Variants in CTNNA3 observed in about 807,000 individuals in gnomAD.
CTNNA3 encodes the protein catenin alpha-3.
Under a neutral mutation model 95.7 loss-of-function variants are expected in CTNNA3, and 76 were observed. That is an observed-to-expected ratio of 0.79 (90% CI 0.66 to 0.96). The LOEUF (loss-of-function observed/expected upper bound fraction) is 0.96, where lower values mean the gene tolerates loss of function less well. Ranked by LOEUF, CTNNA3 falls within the 40% of genes least tolerant of loss-of-function variation. CTNNA3 has a pLI of 0.00. For synonymous variants in CTNNA3, 431 were observed against 374.4 expected (o/e 1.15, Z -1.74); for missense variants, 1,191 against 1,089.8 (o/e 1.09, Z -1.31).
intron 5 of CTNNA3, among the ~76,000 whole-genome samples, chr10:67,443,257 C>T (rs573152479): frequency 7.3e-5 from 11 of 150,784 alleles, no homozygotes; most frequent in Non-Finnish European, 7.4e-5. Context: ...AATAAACATA[C>T]GTGTGCATGT....
At chr10:65,940,381 T>C (rs1182717222) in intron 17 of CTNNA3, among the ~76,000 whole-genome samples, 1 of 152,210 alleles carries the variant, frequency 6.6e-6, no homozygotes, top group Non-Finnish European at 1.5e-5. Context: ...TGTTCTGCTC[T>C]CACACTTACT....
chr10:66,189,619 C>CATATATATAT (rs1258504289), intron 13 of CTNNA3, among the ~76,000 whole-genome samples: 2 of 96,642 alleles, frequency 2.1e-5, no homozygotes, highest in African/African-American at 7.8e-5. Context: ...TATATATATA[C>CATATATATAT]ACACATACAC....
chr10:66,508,309 C>T (rs1840537047), intron 11 of CTNNA3, among the ~76,000 whole-genome samples: 1 of 151,294 alleles, frequency 6.6e-6, no homozygotes, highest in Admixed American at 6.6e-5. Flanking sequence ...CTGCCTCTCC[C>T]ACCAGGCATT....
chr10:67,750,294 T>C, intron 1 of CTNNA3: 7 of 1,520,342 alleles, frequency 4.6e-6, no homozygotes, highest in African/African-American at 1.4e-5. Flanking sequence ...ATGGCCATCT[T>C]TGTGGAGCTC....
At chr10:66,573,705 C>T (rs1298243273) in intron 10 of CTNNA3, among the ~76,000 whole-genome samples, 1 of 152,066 alleles carries the variant, frequency 6.6e-6, no homozygotes, top group Non-Finnish European at 1.5e-5. Flanking sequence ...TAAAAGAAAA[C>T]TGGTTAGTCA....
chr10:66,695,046 A>G (rs1847705500), intron 9 of CTNNA3, among the ~76,000 whole-genome samples: 1 of 152,218 alleles, frequency 6.6e-6, no homozygotes, highest in Non-Finnish European at 1.5e-5. Context: ...ACAACTGCTG[A>G]AAGCTCGATG....
chr10:66,080,594 T>C (rs915543584), intron 14 of CTNNA3, among the ~76,000 whole-genome samples: 2 of 152,186 alleles, frequency 1.3e-5, no homozygotes, highest in Non-Finnish European at 2.9e-5. Context: ...TGCAAGTCCA[T>C]GACTTTTCCT....
At chr10:67,689,110 T>C (rs1589567562) in intron 1 of CTNNA3, among the ~76,000 whole-genome samples, 1 of 152,178 alleles carries the variant, frequency 6.6e-6, no homozygotes, top group Non-Finnish European at 1.5e-5. Flanking sequence ...CTGTTAGTAT[T>C]GGGACCTTAC....
At chr10:66,957,417 T>TATATATATATATGC (rs1564793956) in intron 7 of CTNNA3, among the ~76,000 whole-genome samples, 1 of 31,888 alleles carries the variant, frequency 3.1e-5, no homozygotes, top group African/African-American at 3.0e-4. Flanking sequence ...TATATATGCA[T>TATATATATATATGC]ATATATATAT....
intron 3 of CTNNA3, among the ~76,000 whole-genome samples, chr10:67,570,487 G>A (rs1222860782): frequency 6.6e-6 from 1 of 151,986 alleles, no homozygotes; most frequent in Admixed American, 6.6e-5. Context: ...CACAAATAAT[G>A]GCCACTCTTG....
chr10:66,262,528 T>G (rs1248293206), intron 13 of CTNNA3, among the ~76,000 whole-genome samples: 2 of 152,002 alleles, frequency 1.3e-5, no homozygotes, highest in East Asian at 1.9e-4. Flanking sequence ...ATGTATGACT[T>G]ATTGTAAAAT....
chr10:67,642,931 G>A (rs151301002), intron 2 of CTNNA3, among the ~76,000 whole-genome samples: 17,653 of 148,124 alleles, frequency 0.12, 1,967 homozygotes, highest in African/African-American at 0.29. Flanking sequence ...CAAAGACCTA[G>A]ATGCAGAAAT....
chr10:67,604,878 G>T (rs1276401905), intron 3 of CTNNA3, among the ~76,000 whole-genome samples: 1 of 152,138 alleles, frequency 6.6e-6, no homozygotes, highest in African/African-American at 2.4e-5. Context: ...AAATTATTTT[G>T]CACATTATGT....
intron 5 of CTNNA3, among the ~76,000 whole-genome samples, chr10:67,462,839 C>CT (rs1267992669): frequency 2.0e-5 from 3 of 152,032 alleles, no homozygotes; most frequent in Admixed American, 6.6e-5. Flanking sequence ...ACAGAGTTTT[C>CT]TTTTCCATCA....
intron 1 of CTNNA3, among the ~76,000 whole-genome samples, chr10:67,690,287 T>A (rs1217002620): frequency 1.3e-5 from 2 of 152,116 alleles, no homozygotes; most frequent in East Asian, 3.9e-4. Context: ...CGGTGAGTGT[T>A]ACAGCTCATA....
chr10:67,232,249 G>A (rs941436830), intron 5 of CTNNA3, among the ~76,000 whole-genome samples: 1 of 152,010 alleles, frequency 6.6e-6, no homozygotes, highest in Non-Finnish European at 1.5e-5. Context: ...AAATGTTAAG[G>A]GCAGCCAGAG....
chr10:66,229,436 C>A (rs117449756), intron 13 of CTNNA3, among the ~76,000 whole-genome samples: 331 of 152,200 alleles, frequency 2.2e-3, no homozygotes, highest in Middle Eastern at 0.01. Flanking sequence ...TTAGTTTTTG[C>A]TTGTCTAAAA....
At chr10:66,253,983 C>G (rs1339680815) in intron 13 of CTNNA3, among the ~76,000 whole-genome samples, 1 of 152,126 alleles carries the variant, frequency 6.6e-6, no homozygotes. Context: ...GGCCTTGCCT[C>G]CCACTTGGAT....
chr10:67,100,584 C>A (rs1858281681), intron 7 of CTNNA3, among the ~76,000 whole-genome samples: 2 of 151,608 alleles, frequency 1.3e-5, no homozygotes, highest in African/African-American at 4.8e-5. Context: ...ATTCCTATGT[C>A]TCCCTTCCTG....
Sources: gnomAD v4.1 joint callset for allele counts (sites outside exome capture counted in the v4.1 genomes callset) on GRCh38, gnomAD v4.1.1 for gene constraint, MANE v1.5 for transcripts, NCBI Gene and HGNC (gene_info 2026-07-23, HGNC 2026-07-21) for gene names.